Variants in XPO6 observed in about 807,000 individuals in gnomAD.
XPO6 encodes the protein exportin 6.
A neutral mutation model predicts 130.0 loss-of-function variants in XPO6; 3 were observed. The ratio of observed to expected loss-of-function variants is 0.02; its 90% confidence interval spans 0.01 to 0.06. The LOEUF (loss-of-function observed/expected upper bound fraction) is 0.06, where lower values mean the gene tolerates loss of function less well. XPO6 is among the 10% of genes least tolerant of loss of function. The pLI, the probability that XPO6 is intolerant of heterozygous loss-of-function variation, is 1.00. For missense variants in XPO6, 970 were observed against 1,393.0 expected (o/e 0.70, Z 4.83); for synonymous variants, 524 against 548.9 (o/e 0.95, Z 0.63).
rs763348801 is a variant in XPO6 at position 28,152,743 on chromosome 16, A to G, written c.1140T>C (p.Ser380=). The G allele has an allele frequency of 6.2e-7, 1 of 1,613,696 alleles. No individual in the cohort carries two copies. The highest frequency in any genetic ancestry group is 1.1e-5 in the South Asian group (1 of 90,960). Residue 380 remains serine (S), a synonymous_variant, in exon 8 of 24, where the codon AGT becomes AGC. Transcript: ENST00000304658. The part of the protein sequence containing the change: ...KFTDFLRLFV[S]VHLRRIESYS... ...AAGACTCGATTCTTCTTAGGTGAAC[A>G]CTCACAAAGAGCCGAAGAAAGTCAG...
intron 21 of XPO6, 136 bp downstream of exon 21, chr16:28,104,410 G>A: frequency 8.6e-7 from 1 of 1,160,602 alleles, no homozygotes; most frequent in Non-Finnish European, 1.2e-6. Flanking sequence ...GAGGCTCCAA[G>A]AAATTAATTA....
rs564770286 is a variant in XPO6, at chr16:28,139,975, T to C, written c.1335-4651A>G. Among the ~76,000 whole-genome samples, 13 of 152,332 alleles carry C rather than the reference T, an allele frequency of 8.5e-5. No individual in the cohort carries two copies. The East Asian group carries it at 2.1e-3, about 25-fold the overall frequency. On this transcript the variant is annotated intron_variant, in intron 9 of 23. Transcript: ENST00000304658. ...GGCTGGGCGCAGTGGCTCACGCCTGTAATCCCAGCACTTTGGGAGGCCAAG... is the reference window on the plus strand; with the variant it reads ...GGCTGGGCGCAGTGGCTCACGCCTGCAATCCCAGCACTTTGGGAGGCCAAG...
intron 1 of XPO6, among the ~76,000 whole-genome samples, chr16:28,197,758 T>C (rs1481548881): frequency 6.7e-6 from 1 of 150,192 alleles, no homozygotes; most frequent in African/African-American, 2.4e-5. Context: ...CTACTAAAAA[T>C]ACAAAAAAAA....
At chr16:28,193,423 A>C (rs1278598926) in intron 1 of XPO6, among the ~76,000 whole-genome samples, 1 of 152,146 alleles carries the variant, frequency 6.6e-6, no homozygotes, top group Non-Finnish European at 1.5e-5. Context: ...CCACAAAGGG[A>C]GAAGACGCTG....
At chr16:28,172,928 G>C (rs557876703) in intron 4 of XPO6, 1 of 152,148 alleles carries the variant, frequency 6.6e-6, no homozygotes, top group Non-Finnish European at 1.5e-5. Flanking sequence ...CTGTATCCAA[G>C]GGTTCAAACA....
chr16:28,199,766 G>T (rs962833775), intron 1 of XPO6, among the ~76,000 whole-genome samples: 1 of 151,810 alleles, frequency 6.6e-6, no homozygotes, highest in Admixed American at 6.6e-5. Flanking sequence ...GGCTGGTCTC[G>T]AACGCCTGAC....
Position 28,098,443 on chromosome 16 carries a change from T to G in XPO6, c.*95A>C. 2.7e-6 allele frequency: 3 copies of G among 1,092,726 alleles called. No individual in the cohort carries two copies. The highest frequency in any genetic ancestry group is 2.5e-5 in the East Asian group (1 of 39,798). 67.7% of individuals were successfully genotyped at this position (1,092,726 alleles called of 1,614,324 possible). On this transcript the variant is annotated 3_prime_UTR_variant, in exon 24 of 24. Coordinates refer to ENST00000304658, the MANE Select transcript of XPO6 (RefSeq NM_015171.4). ...GCTTGCGGTGGGAGAAGCCAAGGAGTGTGACCAAGGCCCATCTGGGAGACA... is the reference window on the plus strand; with the variant it reads ...GCTTGCGGTGGGAGAAGCCAAGGAGGGTGACCAAGGCCCATCTGGGAGACA...
At position 28,111,954 on chromosome 16, in the gene XPO6, G is replaced by C; in HGVS notation, c.2204C>G (p.Pro735Arg). The C allele has an allele frequency of 2.5e-6, 4 of 1,614,038 alleles. No individual in the cohort carries two copies. The highest frequency in any genetic ancestry group is 3.4e-6 in the Non-Finnish European group (4 of 1,179,990). Residue 735 changes from proline to arginine, a missense_variant, in exon 17 of 24, where the codon CCA becomes CGA. Physicochemically the swap from Pro to Arg is moderately radical, Grantham distance 103. This residue lies in a region of XPO6 where 936 missense variants were observed against 1,306.8 expected (regional missense o/e 0.72). Coordinates refer to ENST00000304658, the MANE Select transcript of XPO6 (RefSeq NM_015171.4). ...CTGCTGCTCATTCTCTGGAAGGTTT[G>C]GCCACGGAAGCAGCAAGATGTTAGA... ...ALSNILLLPW[P>R]NLPENEQQWP... is the part of the protein sequence containing the mutation.
intron 23 of XPO6, among the ~76,000 whole-genome samples, chr16:28,099,229 T>G (rs536180117): frequency 6.6e-6 from 1 of 152,078 alleles, no homozygotes; most frequent in Non-Finnish European, 1.5e-5. Flanking sequence ...GCGTGGGCCA[T>G]GGAAGGCCCT....
At chr16:28,186,394 T>TTTTTTTTTA in intron 1 of XPO6, among the ~76,000 whole-genome samples, 1 of 148,188 alleles carries the variant, frequency 6.7e-6, no homozygotes, top group Admixed American at 6.7e-5. Flanking sequence ...TTTTTTTTGC[T>TTTTTTTTTA]AAAGACATGG....
In XPO6 at chr16:28,175,779, A is replaced by G; in HGVS notation, c.405+119T>C. 3.8e-6 allele frequency: 3 copies of G among 793,326 alleles called. No homozygotes were observed. The East Asian group carries it at 7.9e-5, about 21-fold the overall frequency. The allele number at this position is 793,326 out of a possible 1,614,324, so 49.1% of individuals were successfully genotyped here. Reference sequence around the variant, plus strand: ...AGTGAATGCGATAATCAGTCCTACAATAACCTCACTACTGCAGTTCCAAAC... The same window carrying G: ...AGTGAATGCGATAATCAGTCCTACAGTAACCTCACTACTGCAGTTCCAAAC... On this transcript the variant is annotated intron_variant, in intron 4 of 23. Transcript: ENST00000304658.
At chr16:28,159,948 G>A (rs2043246301) in intron 6 of XPO6, among the ~76,000 whole-genome samples, 1 of 152,116 alleles carries the variant, frequency 6.6e-6, no homozygotes, top group Non-Finnish European at 1.5e-5. Flanking sequence ...CACTTTGGGA[G>A]GCCAAGGCGG....
chr16:28,164,673 C>T (rs2043328571), intron 6 of XPO6, among the ~76,000 whole-genome samples: 1 of 152,196 alleles, frequency 6.6e-6, no homozygotes. Flanking sequence ...ATATTTTATT[C>T]CGCTTAGCCG....
chr16:28,172,548 A>G (rs2043466625), intron 4 of XPO6, among the ~76,000 whole-genome samples: 1 of 152,144 alleles, frequency 6.6e-6, no homozygotes, highest in Non-Finnish European at 1.5e-5. Flanking sequence ...GTGCTGACGT[A>G]TATGCAGGCA....
At chr16:28,144,685 T>C (rs2042952649) in intron 9 of XPO6, among the ~76,000 whole-genome samples, 1 of 152,196 alleles carries the variant, frequency 6.6e-6, no homozygotes, top group South Asian at 2.1e-4. Context: ...CTTCCTCCAT[T>C]TGGTACATTT....
chr16:28,099,137 C>A (rs1033763197), intron 23 of XPO6, among the ~76,000 whole-genome samples: 3 of 152,210 alleles, frequency 2.0e-5, no homozygotes, highest in Admixed American at 6.5e-5. Context: ...CCTTTACCCA[C>A]GGGGCTCCAG....
chr16:28,195,072 A>G (rs1433458597), intron 1 of XPO6, among the ~76,000 whole-genome samples: 1 of 151,714 alleles, frequency 6.6e-6, no homozygotes, highest in Non-Finnish European at 1.5e-5. Flanking sequence ...GGGCTTCAAC[A>G]TGACACCGAC....
intron 1 of XPO6, among the ~76,000 whole-genome samples, chr16:28,198,420 A>G (rs1289633966): frequency 6.6e-6 from 1 of 152,182 alleles, no homozygotes; most frequent in Non-Finnish European, 1.5e-5. Flanking sequence ...GAAGTGGCAG[A>G]GAAGATTTTG....
chr16:28,209,381 T>C (rs2044088719), intron 1 of XPO6, among the ~76,000 whole-genome samples: 2 of 152,188 alleles, frequency 1.3e-5, no homozygotes, highest in African/African-American at 4.8e-5. Flanking sequence ...GGCTCATGCA[T>C]GTAATCTCAG....
Sources: allele counts gnomAD v4.1 joint callset (sites outside exome capture counted in the v4.1 genomes callset), GRCh38; gene constraint gnomAD v4.1.1; regional missense constraint gnomAD v4.1.1; transcripts MANE v1.5; gene names NCBI Gene and HGNC (gene_info 2026-07-23, HGNC 2026-07-21).